The following STIM1 variants were observed in gnomAD, a reference collection of about 807,000 sequenced individuals.
STIM1 encodes the protein stromal interaction molecule 1.
A neutral mutation model predicts 74.7 loss-of-function variants in STIM1; 25 were observed. The ratio of observed to expected loss-of-function variants is 0.33; its 90% CI spans 0.24 to 0.47. STIM1 has a LOEUF of 0.47. STIM1 is among the 20% of genes least tolerant of loss of function. The pLI is 1.00. For missense variants in STIM1, 728 were observed against 920.8 expected (o/e 0.79, Z 2.71); for synonymous variants, 328 against 348.8 (o/e 0.94, Z 0.66).
chr11:3,931,684 A>G (rs1381364173), intron 1 of STIM1, among the ~76,000 whole-genome samples: 2 of 152,228 alleles, frequency 1.3e-5, no homozygotes, highest in Non-Finnish European at 2.9e-5. Context: ...TTCATACATT[A>G]AAATCCTAAC....
intron 3 of STIM1, among the ~76,000 whole-genome samples, chr11:4,036,639 C>T (rs1016115836): frequency 1.3e-5 from 2 of 152,076 alleles, no homozygotes; most frequent in African/African-American, 4.8e-5. Context: ...GTTTGTTGGT[C>T]GCATGAATAT....
chr11:4,041,076 G>A (rs965541684), intron 3 of STIM1, among the ~76,000 whole-genome samples: 2 of 152,194 alleles, frequency 1.3e-5, no homozygotes, highest in Non-Finnish European at 2.9e-5. Context: ...TTTAGGAAGG[G>A]CCACTTTGGA....
chr11:4,082,391 G>C (rs773859057), intron 8 of STIM1, 40 bp downstream of exon 8: 1 of 1,569,800 alleles, frequency 6.4e-7, no homozygotes, highest in Non-Finnish European at 8.6e-7. Flanking sequence ...TCTCCTTTTT[G>C]CCCTTCTCCT....
At chr11:3,969,949 A>G (rs1165981223) in intron 2 of STIM1, among the ~76,000 whole-genome samples, 1 of 152,232 alleles carries the variant, frequency 6.6e-6, no homozygotes, top group Admixed American at 6.5e-5. Flanking sequence ...CTGGGGGTGA[A>G]TGAGGCCTAG....
chr11:3,965,939 G>A (rs190560563), intron 1 of STIM1, among the ~76,000 whole-genome samples: 83 of 152,266 alleles, frequency 5.5e-4, no homozygotes, highest in African/African-American at 1.8e-3. Context: ...CCCAGGGAAC[G>A]AAGGTTGCAG....
chr11:3,998,494 C>T (rs1329791013), intron 2 of STIM1, among the ~76,000 whole-genome samples: 1 of 152,188 alleles, frequency 6.6e-6, no homozygotes. Flanking sequence ...TCGAGAGACA[C>T]TCCTTCAGTT....
At position 4,008,009 on chromosome 11, in the gene STIM1, A is replaced by G. The variant is rs796542664; in HGVS notation, c.271-15864A>G. 2.0e-5 allele frequency among the ~76,000 whole-genome samples: 3 copies of G among 152,158 alleles called. No individual in the cohort carries two copies. In the South Asian group the frequency reaches 6.2e-4, roughly 31 times the overall value. On this transcript the variant is annotated intron_variant, in intron 2 of 12. Coordinates refer to ENST00000526596, the MANE Select transcript of STIM1 (RefSeq NM_001382567.1). ...AGATACCCCAAATTGTATAACATATATATATTCATACTCATATATAATATG... is the reference window on the plus strand; with the variant it reads ...AGATACCCCAAATTGTATAACATATGTATATTCATACTCATATATAATATG...
At chr11:4,084,844 C>T (rs1471303824) in intron 11 of STIM1, 79 bp downstream of exon 11, 1 of 1,133,220 alleles carries the variant, frequency 8.8e-7, no homozygotes, top group Non-Finnish European at 1.2e-6. Context: ...TGGGTCCCTT[C>T]TCCTGCCTGC....
At chr11:4,053,419 A>G (rs1565161368) in intron 3 of STIM1, among the ~76,000 whole-genome samples, 1 of 152,212 alleles carries the variant, frequency 6.6e-6, no homozygotes, top group South Asian at 2.1e-4. Flanking sequence ...GGATGAATTC[A>G]TGTCCTTTGT....
intron 1 of STIM1, among the ~76,000 whole-genome samples, chr11:3,872,373 A>G (rs1190787929): frequency 6.6e-6 from 1 of 152,110 alleles, no homozygotes; most frequent in Non-Finnish European, 1.5e-5. Context: ...ACTCTTAATG[A>G]CAACAGGAAA....
In STIM1 at chr11:4,091,947, T is replaced by A; in HGVS notation, c.*149T>A. 9.4e-7 allele frequency: 1 copy of A among 1,062,382 alleles called. No individual in the cohort carries two copies. The highest frequency in any genetic ancestry group is 1.4e-6 in the Non-Finnish European group (1 of 722,764). 65.8% of individuals were successfully genotyped at this position (1,062,382 alleles called of 1,614,324 possible). ...CTGGGCACTGTACATACCTGCCCCC[T>A]CATCCTTGGGTCCTTCATTATTATT... On this transcript the variant is annotated 3_prime_UTR_variant, in exon 13 of 13. Transcript: ENST00000526596.
In STIM1 at chr11:4,013,033, A is replaced by C. The variant is rs181631093; in HGVS notation, c.271-10840A>C. 3.6e-3 allele frequency among the ~76,000 whole-genome samples: 546 copies of C among 152,308 alleles called. 4 individuals are homozygous for C. Among genetic ancestry groups the C allele is most frequent in the African/African-American group, 0.012 (506 of 41,574 alleles). On this transcript the variant is annotated intron_variant, in intron 2 of 12. Coordinates refer to ENST00000526596, the MANE Select transcript of STIM1 (RefSeq NM_001382567.1). ...TTTATGTGATGGATTATGTTTATTG[A>C]TCTGCATATGTTGAACCAGCCTTGC...
chr11:4,053,680 T>A (rs999911481), intron 3 of STIM1, among the ~76,000 whole-genome samples: 1 of 151,464 alleles, frequency 6.6e-6, no homozygotes, highest in African/African-American at 2.4e-5. Context: ...TGTATAGATA[T>A]GTAAAAAACC....
At chr11:4,052,796 C>T (rs2094254179) in intron 3 of STIM1, among the ~76,000 whole-genome samples, 1 of 152,164 alleles carries the variant, frequency 6.6e-6, no homozygotes, top group African/African-American at 2.4e-5. Context: ...TCAGAGTGAA[C>T]AGGCAACCTA....
intron 1 of STIM1, among the ~76,000 whole-genome samples, chr11:3,906,921 G>A (rs891517025): frequency 6.6e-6 from 1 of 152,176 alleles, no homozygotes; most frequent in Non-Finnish European, 1.5e-5. Flanking sequence ...ACTAGTAAAT[G>A]GCTGAGAGAG....
intron 1 of STIM1, chr11:3,947,641 C>T (rs1278633628): frequency 6.6e-6 from 1 of 152,196 alleles, no homozygotes; most frequent in East Asian, 1.9e-4. Context: ...CTCTCCCAGG[C>T]TCAGTTGGCA....
chr11:3,978,461 A>G (rs983677819), intron 2 of STIM1, among the ~76,000 whole-genome samples: 1 of 149,148 alleles, frequency 6.7e-6, no homozygotes, highest in Non-Finnish European at 1.5e-5. Context: ...GTGTACTTTT[A>G]AAAAGGTCTG....
At chr11:4,033,300 C>T (rs1028536301) in intron 3 of STIM1, among the ~76,000 whole-genome samples, 10 of 152,110 alleles carry the variant, frequency 6.6e-5, no homozygotes, top group South Asian at 2.1e-4. Context: ...GTGATGCCTC[C>T]GGCTTTGTTC....
chr11:3,864,106 G>A (rs2090751163), intron 1 of STIM1, among the ~76,000 whole-genome samples: 1 of 152,004 alleles, frequency 6.6e-6, no homozygotes, highest in Non-Finnish European at 1.5e-5. Flanking sequence ...AAGGCTTACT[G>A]TGGGCCATGG....
Sources: gnomAD v4.1 joint callset for allele counts (sites outside exome capture counted in the v4.1 genomes callset) on GRCh38, gnomAD v4.1.1 for gene constraint, MANE v1.5 for transcripts, NCBI Gene and HGNC (gene_info 2026-07-23, HGNC 2026-07-21) for gene names.